The following RAB21 variants were observed in gnomAD, a reference collection of about 807,000 sequenced individuals.
The protein encoded by RAB21 is RAB21, member RAS oncogene family, also known as ras-related protein Rab-21.
In RAB21, 13 loss-of-function variants were observed where a neutral mutation model predicts 33.1. That is an observed-to-expected ratio of 0.39 (90% CI 0.26 to 0.62). The LOEUF (loss-of-function observed/expected upper bound fraction) is 0.62. Among genes scored for constraint, RAB21 ranks in the 20% least tolerant of loss-of-function variants. The pLI is 0.48. For synonymous variants in RAB21, 91 were observed against 103.7 expected (o/e 0.88, Z 0.74); for missense variants, 234 against 279.1 (o/e 0.84, Z 1.15).
intron 1 of RAB21, among the ~76,000 whole-genome samples, chr12:71,762,717 G>A (rs1335474252): frequency 6.6e-6 from 1 of 151,928 alleles, no homozygotes; most frequent in African/African-American, 2.4e-5. Context: ...TGAGTAGCTG[G>A]GATTACAGGC....
rs978412279 is a variant in RAB21 at position 71,789,019 on chromosome 12, C to T, written c.*3346C>T. ...AAATCTTTTTTTTTTTTAATAGTAG[C>T]CATATGTTATTAGTGGAGTACTTTA... On this transcript the variant is annotated 3_prime_UTR_variant, in exon 7 of 7. Transcript: ENST00000261263. 2.0e-5 allele frequency: 3 copies of T among 150,324 alleles called. No homozygotes were observed. Among genetic ancestry groups the T allele is most frequent in the Non-Finnish European group, 4.4e-5 (3 of 67,624 alleles). 9.3% of individuals were successfully genotyped at this position (150,324 alleles called of 1,614,324 possible). A position where few individuals can be genotyped will look rare whatever the true frequency, so the allele number is the denominator to read the frequency against.
At chr12:71,760,373 A>G (rs74961099) in intron 1 of RAB21, among the ~76,000 whole-genome samples, 2 of 109,478 alleles carry the variant, frequency 1.8e-5, no homozygotes, top group South Asian at 6.1e-4. Context: ...CTCTTAACTT[A>G]TATAGAGTCC....
chr12:71,760,864 G>T (rs1241435934), intron 1 of RAB21, among the ~76,000 whole-genome samples: 1 of 152,080 alleles, frequency 6.6e-6, no homozygotes. Flanking sequence ...GTGCTGTAAG[G>T]TTGGCTAGGC....
In RAB21 at chr12:71,773,952, T is replaced by A; in HGVS notation, c.328-7T>A. 1.9e-6 allele frequency: 3 copies of A among 1,578,212 alleles called. No homozygotes were observed. Among genetic ancestry groups the A allele is most frequent in the Non-Finnish European group, 2.6e-6 (3 of 1,158,100 alleles). The stretch of plus-strand genomic sequence containing the variant: ...TTGTTTTAATATGTGCTCTTTTGTA[T>A]ATACAGGTAAAAAACTGGGTCAAAG... On this transcript the variant is annotated splice_polypyrimidine_tract_variant and splice_region_variant and intron_variant, in intron 3 of 6. Coordinates refer to ENST00000261263, the MANE Select transcript of RAB21 (RefSeq NM_014999.4).
At chr12:71,772,463 A>G (rs1883057760) in intron 3 of RAB21, among the ~76,000 whole-genome samples, 1 of 152,178 alleles carries the variant, frequency 6.6e-6, no homozygotes, top group Non-Finnish European at 1.5e-5. Flanking sequence ...ACTTAATGGG[A>G]AGATTAGCAA....
At chr12:71,778,991 T>C (rs328754) in intron 4 of RAB21, among the ~76,000 whole-genome samples, 5,288 of 152,308 alleles carry the variant, frequency 0.035, 304 homozygotes, top group African/African-American at 0.12. Flanking sequence ...ATATTGACTT[T>C]CCATTTGATC....
rs1328244431 is a variant in RAB21, at chr12:71,798,674, G to GT, written c.*13007dup. 2.0e-5 allele frequency: 3 copies of GT among 152,128 alleles called. No homozygotes were observed. Among genetic ancestry groups the GT allele is most frequent in the East Asian group, 1.9e-4 (1 of 5,192 alleles). 9.4% of individuals were successfully genotyped at this position (152,128 alleles called of 1,614,324 possible). On this transcript the variant is annotated 3_prime_UTR_variant, in exon 7 of 7. Transcript: ENST00000261263. The stretch of plus-strand genomic sequence containing the variant: ...AAGACAAAACTATACTGAGATACCA[G>GT]TTTTTTAACCTATTAATCAAGAAAG...
intron 3 of RAB21, among the ~76,000 whole-genome samples, chr12:71,771,495 TAGAGC>T (rs1883041743): frequency 6.6e-6 from 1 of 152,228 alleles, no homozygotes; most frequent in African/African-American, 2.4e-5. Flanking sequence ...TTAAATCTGA[TAGAGC>T]AGATATACAA....
At chr12:71,781,248 T>C (rs1363975902) in intron 4 of RAB21, among the ~76,000 whole-genome samples, 1 of 152,112 alleles carries the variant, frequency 6.6e-6, no homozygotes, top group African/African-American at 2.4e-5. Context: ...GGCAGGCGGA[T>C]CACGAGGTCA....
chr12:71,768,149 T>C (rs906735611), intron 1 of RAB21, among the ~76,000 whole-genome samples: 4 of 152,168 alleles, frequency 2.6e-5, no homozygotes, highest in Admixed American at 6.6e-5. Context: ...TGAGGATAGC[T>C]TGGGCCTTGA....
At position 71,755,296 on chromosome 12, in the gene RAB21, C is replaced by T. The variant is rs1415828432; in HGVS notation, c.159+8C>T. Reference sequence around the variant, plus strand: ...CACATCACCACTCTGCAGGTGCGGACCTCGGGGAGCGGGAGGGGGCGCCTC... The same window carrying T: ...CACATCACCACTCTGCAGGTGCGGATCTCGGGGAGCGGGAGGGGGCGCCTC... On this transcript the variant is annotated splice_region_variant and intron_variant, in intron 1 of 6. Coordinates refer to ENST00000261263, the MANE Select transcript of RAB21 (RefSeq NM_014999.4). The T allele has an allele frequency of 4.6e-6, 7 of 1,507,964 alleles. No homozygotes were observed. Among genetic ancestry groups the T allele is most frequent in the Non-Finnish European group, 6.2e-6 (7 of 1,131,802 alleles). The allele number at this position is 1,507,964 out of a possible 1,614,324, so 93.4% of individuals were successfully genotyped here.
At chr12:71,780,237 A>G (rs1403517703) in intron 4 of RAB21, among the ~76,000 whole-genome samples, 2 of 152,136 alleles carry the variant, frequency 1.3e-5, no homozygotes, top group Non-Finnish European at 2.9e-5. Flanking sequence ...ATAGGTATTG[A>G]TGATATTGAT....
At chr12:71,764,682 T>C (rs544798047) in intron 1 of RAB21, among the ~76,000 whole-genome samples, 85 of 152,274 alleles carry the variant, frequency 5.6e-4, no homozygotes, top group African/African-American at 2.0e-3. Flanking sequence ...AGCTTAGCTC[T>C]CACTTATAAG....
At position 71,794,080 on chromosome 12, in the gene RAB21, G is replaced by A. The variant is rs999094763; in HGVS notation, c.*8407G>A. The stretch of plus-strand genomic sequence containing the variant: ...TCCAAAAATATACAAAAATTAGCCA[G>A]GTGTGGTGGTGTGTGCCTGTAGTCT... On this transcript the variant is annotated 3_prime_UTR_variant, in exon 7 of 7. Transcript: ENST00000261263. 2.0e-5 allele frequency: 3 copies of A among 152,066 alleles called. No homozygotes were observed. Among genetic ancestry groups the A allele is most frequent in the African/African-American group, 7.3e-5 (3 of 41,360 alleles). 9.4% of individuals were successfully genotyped at this position (152,066 alleles called of 1,614,324 possible). A position where few individuals can be genotyped will look rare whatever the true frequency, so the allele number is the denominator to read the frequency against.
intron 1 of RAB21, among the ~76,000 whole-genome samples, chr12:71,757,157 A>T (rs747956110): frequency 1.2e-4 from 18 of 152,160 alleles, no homozygotes; most frequent in Non-Finnish European, 2.2e-4. Context: ...CCTGTCGCCC[A>T]GGCTGAAGTG....
At chr12:71,783,795 C>T (rs1296834431) in intron 6 of RAB21, among the ~76,000 whole-genome samples, 1 of 152,142 alleles carries the variant, frequency 6.6e-6, no homozygotes, top group Non-Finnish European at 1.5e-5. Context: ...GTCCTCATTT[C>T]TACAAGCACC....
chr12:71,776,659 T>C (rs987845016), intron 4 of RAB21, among the ~76,000 whole-genome samples: 1 of 151,712 alleles, frequency 6.6e-6, no homozygotes, highest in Non-Finnish European at 1.5e-5. Flanking sequence ...GTTGGGAGAA[T>C]TCTGAGAACT....
rs974111943 is a variant in RAB21 at position 71,790,931 on chromosome 12, G to A, written c.*5258G>A. The A allele has an allele frequency of 3.3e-5, 5 of 150,946 alleles. No homozygotes were observed. Among genetic ancestry groups the A allele is most frequent in the Middle Eastern group, 3.4e-3 (1 of 294 alleles). 9.4% of individuals were successfully genotyped at this position (150,946 alleles called of 1,614,324 possible). On this transcript the variant is annotated 3_prime_UTR_variant, in exon 7 of 7. Coordinates refer to ENST00000261263, the MANE Select transcript of RAB21 (RefSeq NM_014999.4). Reference sequence around the variant, plus strand: ...AATAGCCTCTGACTCCATGAAACCTGAAAAGGAATCTGGTCTGTTAGGTGG... The same window carrying A: ...AATAGCCTCTGACTCCATGAAACCTAAAAAGGAATCTGGTCTGTTAGGTGG...
chr12:71,757,855 A>G (rs1565882713), intron 1 of RAB21, among the ~76,000 whole-genome samples: 3 of 152,282 alleles, frequency 2.0e-5, no homozygotes, highest in South Asian at 2.1e-4. Flanking sequence ...ATTTCAAAGA[A>G]TTGCAGGATT....
Sources: allele counts gnomAD v4.1 joint callset (sites outside exome capture counted in the v4.1 genomes callset), GRCh38; gene constraint gnomAD v4.1.1; transcripts MANE v1.5; gene names NCBI Gene and HGNC (gene_info 2026-07-23, HGNC 2026-07-21).